GALNT17: variants seen among roughly 807,000 people sequenced by gnomAD.
The protein encoded by GALNT17 is polypeptide N-acetylgalactosaminyltransferase 17.
GALNT17 carries 29 observed loss-of-function variants against 63.7 expected under a neutral mutation model. The observed-to-expected ratio is 0.46, with a 90% CI of 0.34 to 0.62. The LOEUF is 0.62. Among genes scored for constraint, GALNT17 ranks in the 20% least tolerant of loss-of-function variants. The probability of loss-of-function intolerance (pLI) is 0.01; values close to 1 mark genes in which losing one functional copy is unlikely to be tolerated. For synonymous variants in GALNT17, 305 were observed against 318.3 expected (o/e 0.96, Z 0.45); for missense variants, 603 against 799.6 (o/e 0.75, Z 2.97).
chr7:71,587,918 C>G (rs1047086578), intron 6 of GALNT17, among the ~76,000 whole-genome samples: 3 of 152,176 alleles, frequency 2.0e-5, no homozygotes, highest in Non-Finnish European at 4.4e-5. Context: ...CTTAAGCAGC[C>G]ACTTTGCAGA....
chr7:71,651,966 C>T (rs1790760501), intron 6 of GALNT17, among the ~76,000 whole-genome samples: 1 of 152,108 alleles, frequency 6.6e-6, no homozygotes, highest in Non-Finnish European at 1.5e-5. Flanking sequence ...CCTCCCAAAG[C>T]ATTGGGATTA....
intron 6 of GALNT17, among the ~76,000 whole-genome samples, chr7:71,582,575 G>T (rs564914251): frequency 6.6e-6 from 1 of 151,528 alleles, no homozygotes. Flanking sequence ...GCAAGACTCC[G>T]TCTCAAAAAA....
At chr7:71,378,173 C>T (rs143468324) in intron 2 of GALNT17, among the ~76,000 whole-genome samples, 2 of 152,272 alleles carry the variant, frequency 1.3e-5, no homozygotes, top group African/African-American at 2.4e-5. Flanking sequence ...CGGGAGACTG[C>T]TCTGTGAGGG....
At chr7:71,243,745 G>A (rs560760403) in intron 1 of GALNT17, among the ~76,000 whole-genome samples, 6 of 151,948 alleles carry the variant, frequency 3.9e-5, no homozygotes, top group Non-Finnish European at 5.9e-5. Context: ...TCCTTTTTGA[G>A]ACCTCATAAA....
intron 5 of GALNT17, among the ~76,000 whole-genome samples, chr7:71,567,331 T>C (rs1789365749): frequency 6.6e-6 from 1 of 152,226 alleles, no homozygotes; most frequent in African/African-American, 2.4e-5. Flanking sequence ...ATGCGATTTC[T>C]GTAAACACAC....
Position 71,610,988 on chromosome 7 carries a change from CA to C in GALNT17, c.1080+39603del, listed in dbSNP as rs11447692. ...GCGGTGACAGAGCGAGACTCCATTT[CA>C]AAAAAAAAAAAAAAAAGTCCACTGG... On this transcript the variant is annotated intron_variant, in intron 6 of 10. Transcript: ENST00000333538. Among the ~76,000 whole-genome samples the C allele has an allele frequency of 6.5e-3, 829 of 126,964 alleles. 7 individuals carry two copies. Among genetic ancestry groups the C allele is most frequent in the African/African-American group, 0.022 (746 of 33,656 alleles). 83.3% of individuals were successfully genotyped at this position (126,964 alleles called of 152,430 possible). A position where few individuals can be genotyped will look rare whatever the true frequency, so the allele number is the denominator to read the frequency against.
chr7:71,597,100 C>T lies in GALNT17; in HGVS notation c.1080+25698C>T, dbSNP rs370935952. On this transcript the variant is annotated intron_variant, in intron 6 of 10. Transcript: ENST00000333538. ...TTGCCCAGGCTGGAGTGCAGTGGTG[C>T]GATCTCAGCTCACTGCAAGCTCCAC... Among the ~76,000 whole-genome samples the T allele has an allele frequency of 1.7e-3, 263 of 152,064 alleles. 3 individuals are homozygous for T. Among genetic ancestry groups the T allele is most frequent in the African/African-American group, 5.9e-3 (246 of 41,406 alleles).
rs1792988424 is a variant in GALNT17, at chr7:71,388,374, A to G, written c.562A>G (p.Ile188Val). 1 of 1,613,998 alleles carries G rather than the reference A, an allele frequency of 6.2e-7. No individual in the cohort carries two copies. The highest frequency in any genetic ancestry group is 8.5e-7 in the Non-Finnish European group (1 of 1,179,968). Residue 188 changes from isoleucine to valine, a missense_variant, in exon 3 of 11, where the codon ATT (isoleucine) becomes GTT (valine). This residue lies in a region of GALNT17 where 336 missense variants were observed against 507.8 expected (regional missense o/e 0.66). Transcript: ENST00000333538. Reference protein sequence around the residue: ...HTPTHLLKEIILVDDNSDEEE... With the variant: ...HTPTHLLKEIVLVDDNSDEEE... The stretch of plus-strand genomic sequence containing the variant: ...GCCCACACACCTGCTGAAGGAAATC[A>G]TTCTGGTGGATGACAACAGCGACGA...
At chr7:71,525,382 A>T (rs921444382) in intron 5 of GALNT17, among the ~76,000 whole-genome samples, 6 of 151,654 alleles carry the variant, frequency 4.0e-5, no homozygotes, top group African/African-American at 1.2e-4. Context: ...TGTTTTTTGT[A>T]TTTTTAGTAG....
chr7:71,217,770 C>CA (rs559073357), intron 1 of GALNT17, among the ~76,000 whole-genome samples: 1 of 151,398 alleles, frequency 6.6e-6, no homozygotes. Flanking sequence ...CTAAAATGTA[C>CA]AAAAAAAATT....
chr7:71,358,285 A>T (rs1429275048), intron 2 of GALNT17, among the ~76,000 whole-genome samples: 2 of 152,152 alleles, frequency 1.3e-5, no homozygotes, highest in African/African-American at 2.4e-5. Flanking sequence ...AATCCCAGCT[A>T]CTCGGGAGGC....
intron 2 of GALNT17, among the ~76,000 whole-genome samples, chr7:71,377,183 G>A (rs1792758733): frequency 1.4e-5 from 2 of 140,366 alleles, no homozygotes; most frequent in Admixed American, 1.5e-4. Context: ...GTTTGCCCAT[G>A]ACAGGCCCTC....
chr7:71,590,940 T>C (rs565643714), intron 6 of GALNT17, among the ~76,000 whole-genome samples: 1 of 152,328 alleles, frequency 6.6e-6, no homozygotes, highest in East Asian at 1.9e-4. Flanking sequence ...TTTGTATTTT[T>C]AGTACAGACA....
chr7:71,628,532 A>G (rs890993810), intron 6 of GALNT17, among the ~76,000 whole-genome samples: 8 of 151,976 alleles, frequency 5.3e-5, no homozygotes, highest in Non-Finnish European at 1.0e-4. Flanking sequence ...CGTGTTGGCT[A>G]TGCTGGTCTC....
At chr7:71,528,763 T>TC (rs1399825198) in intron 5 of GALNT17, among the ~76,000 whole-genome samples, 4 of 152,098 alleles carry the variant, frequency 2.6e-5, no homozygotes, top group African/African-American at 9.7e-5. Flanking sequence ...CACCTGTTTC[T>TC]CAAAAATGAT....
At chr7:71,133,996 G>A (rs1305818920) in intron 1 of GALNT17, among the ~76,000 whole-genome samples, 1 of 152,218 alleles carries the variant, frequency 6.6e-6, no homozygotes, top group Admixed American at 6.5e-5. Flanking sequence ...AATAACTGAT[G>A]GAATTCTTGC....
At chr7:71,651,953 C>T (rs893764335) in intron 6 of GALNT17, among the ~76,000 whole-genome samples, 21 of 152,154 alleles carry the variant, frequency 1.4e-4, no homozygotes, top group African/African-American at 4.8e-4. Flanking sequence ...CCCCCCAGCT[C>T]GGCCTCCCAA....
At chr7:71,171,547 T>C (rs1463240097) in intron 1 of GALNT17, among the ~76,000 whole-genome samples, 2 of 152,054 alleles carry the variant, frequency 1.3e-5, no homozygotes, top group Admixed American at 1.3e-4. Flanking sequence ...GTAAAACAAA[T>C]GTAGACAAAT....
chr7:71,271,894 G>C (rs575859458), intron 1 of GALNT17, among the ~76,000 whole-genome samples: 3 of 152,164 alleles, frequency 2.0e-5, no homozygotes, highest in Non-Finnish European at 4.4e-5. Flanking sequence ...CGAGTAACTA[G>C]GACCACAGAT....
Sources: allele counts gnomAD v4.1 joint callset (sites outside exome capture counted in the v4.1 genomes callset), GRCh38; gene constraint gnomAD v4.1.1; regional missense constraint gnomAD v4.1.1; transcripts MANE v1.5; gene names NCBI Gene and HGNC (gene_info 2026-07-23, HGNC 2026-07-21).